The following MAPK4 variants were observed in gnomAD, a reference collection of about 807,000 sequenced individuals.
MAPK4 encodes the protein mitogen-activated protein kinase 4.
In MAPK4, 22 loss-of-function variants were observed where a neutral mutation model predicts 47.7. That is an observed-to-expected ratio of 0.46 (90% CI 0.33 to 0.66). The LOEUF (loss-of-function observed/expected upper bound fraction) is 0.66, where lower values mean the gene tolerates loss of function less well. MAPK4 is among the 30% of genes least tolerant of loss of function. MAPK4 has a pLI of 0.02. For missense variants in MAPK4, 736 were observed against 831.7 expected (o/e 0.88, Z 1.42); for synonymous variants, 390 against 365.7 (o/e 1.07, Z -0.76).
intron 1 of MAPK4, among the ~76,000 whole-genome samples, chr18:50,604,429 C>T (rs2042565813): frequency 6.6e-6 from 1 of 152,148 alleles, no homozygotes; most frequent in Non-Finnish European, 1.5e-5. Context: ...ATAAATAAGG[C>T]ATCACTTTCC....
At chr18:50,611,542 C>A (rs917172116) in intron 1 of MAPK4, among the ~76,000 whole-genome samples, 3 of 152,226 alleles carry the variant, frequency 2.0e-5, no homozygotes, top group African/African-American at 2.4e-5. Flanking sequence ...GAAGGTGTCG[C>A]TGAGCTCCTT....
At chr18:50,607,034 T>C (rs1412203346) in intron 1 of MAPK4, among the ~76,000 whole-genome samples, 3 of 152,242 alleles carry the variant, frequency 2.0e-5, no homozygotes, top group Non-Finnish European at 4.4e-5. Context: ...CAGTGCGATT[T>C]TGATGCTGTT....
intron 1 of MAPK4, among the ~76,000 whole-genome samples, chr18:50,626,890 A>T (rs1181644657): frequency 6.6e-6 from 1 of 152,120 alleles, no homozygotes; most frequent in East Asian, 1.9e-4. Context: ...TTGTCAAGGG[A>T]GCCCCTCTGC....
rs571229308 is a variant in MAPK4, at chr18:50,674,623, C to T, written c.546+10119C>T. On this transcript the variant is annotated intron_variant, in intron 2 of 5. Transcript: ENST00000400384. Reference sequence around the variant, plus strand: ...CCCTCTGTTCCCACATAAACTCCTGCGGACCCTGCTCAAATGTCCCACCTC... The same window carrying T: ...CCCTCTGTTCCCACATAAACTCCTGTGGACCCTGCTCAAATGTCCCACCTC... Among the ~76,000 whole-genome samples, 48 of 152,270 alleles carry T rather than the reference C, an allele frequency of 3.2e-4. 1 individual carries two copies. In the South Asian group the frequency reaches 8.1e-3, roughly 26 times the overall value.
intron 2 of MAPK4, among the ~76,000 whole-genome samples, chr18:50,671,705 A>C (rs372524456): frequency 6.6e-6 from 1 of 152,074 alleles, no homozygotes; most frequent in Non-Finnish European, 1.5e-5. Context: ...CCTGGGCAAC[A>C]GCGAGACCCC....
chr18:50,658,330 G>A (rs542078196), intron 1 of MAPK4, among the ~76,000 whole-genome samples: 1 of 152,304 alleles, frequency 6.6e-6, no homozygotes, highest in African/African-American at 2.4e-5. Context: ...TGTGGTAAGA[G>A]TCACTCGCTG....
chr18:50,680,556 A>G (rs1042523885), intron 2 of MAPK4, among the ~76,000 whole-genome samples: 1 of 151,862 alleles, frequency 6.6e-6, no homozygotes, highest in Non-Finnish European at 1.5e-5. Flanking sequence ...ACATCATCCC[A>G]TCCCCCTTCA....
Position 50,636,803 on chromosome 18 carries a change from C to T in MAPK4, c.-870-26286C>T, listed in dbSNP as rs563113145. ...AGGAGTTACTCTTTTTCACTTTGGA[C>T]GCTGCATCATAGTGTCTTACGTCAC... On this transcript the variant is annotated intron_variant, in intron 1 of 5. Transcript: ENST00000400384. Among the ~76,000 whole-genome samples the T allele has an allele frequency of 7.9e-5, 12 of 152,154 alleles. No individual in the cohort carries two copies. The South Asian group carries it at 1.5e-3, about 18-fold the overall frequency.
At chr18:50,563,698 T>C (rs2042174008) in intron 1 of MAPK4, among the ~76,000 whole-genome samples, 1 of 152,098 alleles carries the variant, frequency 6.6e-6, no homozygotes, top group Non-Finnish European at 1.5e-5. Flanking sequence ...AAAGAGTCGG[T>C]AGGGTAGGTG....
chr18:50,614,694 A>C (rs1439328099), intron 1 of MAPK4, among the ~76,000 whole-genome samples: 2 of 152,228 alleles, frequency 1.3e-5, no homozygotes, highest in Non-Finnish European at 2.9e-5. Context: ...CTCTAGACCT[A>C]TCTAGATGTG....
At chr18:50,562,555 GAGTCTAAGTCCCATCATTGCCCAT>G (rs1036307176) in intron 1 of MAPK4, among the ~76,000 whole-genome samples, 20 of 152,300 alleles carry the variant, frequency 1.3e-4, no homozygotes, top group African/African-American at 4.3e-4. Flanking sequence ...TGGGGTGAGA[GAGTCTAAGTCCCATCATTGCCCAT>G]GGCTGGGGCC....
At chr18:50,605,132 T>C (rs1006411942) in intron 1 of MAPK4, among the ~76,000 whole-genome samples, 14 of 152,312 alleles carry the variant, frequency 9.2e-5, no homozygotes, top group African/African-American at 2.9e-4. Context: ...AGATGCTTTA[T>C]ATAATGAGGA....
At chr18:50,593,556 G>A (rs981980344) in intron 1 of MAPK4, among the ~76,000 whole-genome samples, 2 of 152,174 alleles carry the variant, frequency 1.3e-5, no homozygotes, top group African/African-American at 4.8e-5. Flanking sequence ...GGCTCATTGT[G>A]AAGAATAAGC....
At chr18:50,727,426 CGCT>C (rs1911260608) in intron 5 of MAPK4, among the ~76,000 whole-genome samples, 1 of 152,198 alleles carries the variant, frequency 6.6e-6, no homozygotes, top group African/African-American at 2.4e-5. Context: ...GCCAGGGCGA[CGCT>C]GCTATTTTTG....
At chr18:50,665,894 A>G (rs770788911) in intron 2 of MAPK4, among the ~76,000 whole-genome samples, 17 of 152,014 alleles carry the variant, frequency 1.1e-4, no homozygotes, top group Non-Finnish European at 2.1e-4. Context: ...AGGGAGAAAC[A>G]GTGCCCTTGT....
intron 1 of MAPK4, among the ~76,000 whole-genome samples, chr18:50,619,480 A>AT: frequency 6.6e-6 from 1 of 151,860 alleles, no homozygotes; most frequent in Non-Finnish European, 1.5e-5. Context: ...CACCTGGCTA[A>AT]TTTTTTTGTT....
chr18:50,611,358 T>C (rs1427743784), intron 1 of MAPK4, among the ~76,000 whole-genome samples: 3 of 152,238 alleles, frequency 2.0e-5, no homozygotes, highest in Non-Finnish European at 4.4e-5. Context: ...CTTCCCGTCA[T>C]GAGCCCAATA....
At chr18:50,667,798 G>T (rs1009226880) in intron 2 of MAPK4, among the ~76,000 whole-genome samples, 1 of 152,160 alleles carries the variant, frequency 6.6e-6, no homozygotes, top group Non-Finnish European at 1.5e-5. Context: ...AAACCTTGGG[G>T]ATTTCTCCCC....
intron 3 of MAPK4, among the ~76,000 whole-genome samples, chr18:50,719,509 T>TCG (rs1910818684): frequency 6.6e-6 from 1 of 152,120 alleles, no homozygotes; most frequent in Non-Finnish European, 1.5e-5. Context: ...GAGGGAGGTC[T>TCG]CGCCCTGGAC....
Sources: gnomAD v4.1 joint callset for allele counts (sites outside exome capture counted in the v4.1 genomes callset) on GRCh38, gnomAD v4.1.1 for gene constraint, MANE v1.5 for transcripts, NCBI Gene and HGNC (gene_info 2026-07-23, HGNC 2026-07-21) for gene names.